Variants in EBF1 observed in about 807,000 individuals in gnomAD.
EBF1 encodes the protein EBF transcription factor 1.
EBF1 carries 10 observed loss-of-function variants against 68.4 expected under a neutral mutation model. That is an observed-to-expected ratio of 0.15 (90% CI 0.09 to 0.25). The LOEUF (loss-of-function observed/expected upper bound fraction) is 0.25, where lower values mean the gene tolerates loss of function less well. Ranked by LOEUF, EBF1 falls within the 10% of genes least tolerant of loss-of-function variation. The pLI is 1.00. For missense variants in EBF1, 509 were observed against 794.4 expected (o/e 0.64, Z 4.32); for synonymous variants, 298 against 299.8 (o/e 0.99, Z 0.06).
At chr5:158,844,920 C>A (rs1434084630) in intron 6 of EBF1, among the ~76,000 whole-genome samples, 5 of 152,186 alleles carry the variant, frequency 3.3e-5, no homozygotes, top group Non-Finnish European at 7.3e-5. Context: ...CTTTTACCAA[C>A]CAACAGATAT....
intron 7 of EBF1, among the ~76,000 whole-genome samples, chr5:158,835,578 G>A (rs1788581928): frequency 6.6e-6 from 1 of 152,054 alleles, no homozygotes; most frequent in African/African-American, 2.4e-5. Flanking sequence ...GGCTTTCCTG[G>A]GATTCCAGCA....
intron 10 of EBF1, among the ~76,000 whole-genome samples, chr5:158,752,473 A>G: frequency 6.6e-6 from 1 of 152,090 alleles, no homozygotes; most frequent in Non-Finnish European, 1.5e-5. Flanking sequence ...TAGACGGTTC[A>G]TCTCACTAGT....
At chr5:158,856,774 A>G (rs557897246) in intron 6 of EBF1, among the ~76,000 whole-genome samples, 161 of 152,258 alleles carry the variant, frequency 1.1e-3, no homozygotes, top group African/African-American at 3.8e-3. Flanking sequence ...CAGATAGCTC[A>G]TGGCAGATAT....
rs7707318 is a variant in EBF1 at position 158,775,212 on chromosome 5, T to A, written c.1036+2201A>T. On this transcript the variant is annotated intron_variant, in intron 10 of 15. Transcript: ENST00000313708. ...GTGATTTCTTAAACTGATGGCAATT[T>A]TTTTTTTTAGTGTTTAAAAAAACTC... Among the ~76,000 whole-genome samples the A allele has an allele frequency of 5.7e-3, 869 of 152,186 alleles. 9 individuals carry two copies. The highest frequency in any genetic ancestry group is 0.02 in the African/African-American group (844 of 41,550).
intron 6 of EBF1, among the ~76,000 whole-genome samples, chr5:158,907,786 G>A (rs1186196948): frequency 6.6e-6 from 1 of 151,896 alleles, no homozygotes; most frequent in African/African-American, 2.4e-5. Flanking sequence ...GCTCAAAGGT[G>A]TAACCAACCA....
chr5:159,057,726 C>T (rs766645479), intron 6 of EBF1, among the ~76,000 whole-genome samples: 7 of 152,180 alleles, frequency 4.6e-5, no homozygotes, highest in Non-Finnish European at 8.8e-5. Flanking sequence ...AATGAAGGGG[C>T]TGAACTGTAA....
chr5:158,979,097 A>G (rs1757405912), intron 6 of EBF1, among the ~76,000 whole-genome samples: 1 of 152,166 alleles, frequency 6.6e-6, no homozygotes, highest in Non-Finnish European at 1.5e-5. Flanking sequence ...AAAGAAATCC[A>G]CACTCACACA....
chr5:158,853,078 G>A (rs879301268), intron 6 of EBF1, among the ~76,000 whole-genome samples: 1 of 152,002 alleles, frequency 6.6e-6, no homozygotes, highest in Non-Finnish European at 1.5e-5. Flanking sequence ...TTGTATACTT[G>A]TTTTCCTGTG....
intron 6 of EBF1, among the ~76,000 whole-genome samples, chr5:158,892,961 T>C (rs1801468955): frequency 6.6e-6 from 1 of 152,110 alleles, no homozygotes; most frequent in African/African-American, 2.4e-5. Context: ...GCTTCATTTC[T>C]GCTAGCCTGA....
At chr5:158,835,179 C>G (rs1788478769) in intron 7 of EBF1, among the ~76,000 whole-genome samples, 1 of 152,180 alleles carries the variant, frequency 6.6e-6, no homozygotes. Context: ...ACAGCTACAG[C>G]AAAGACTAAT....
At chr5:158,844,709 C>T (rs1562097914) in intron 6 of EBF1, among the ~76,000 whole-genome samples, 1 of 152,186 alleles carries the variant, frequency 6.6e-6, no homozygotes, top group Non-Finnish European at 1.5e-5. Flanking sequence ...GAGCTGAATG[C>T]CTGCGCTCTT....
At chr5:158,979,955 C>T (rs548424909) in intron 6 of EBF1, among the ~76,000 whole-genome samples, 10 of 152,312 alleles carry the variant, frequency 6.6e-5, no homozygotes, top group East Asian at 1.9e-4. Flanking sequence ...TTTCCTCTAC[C>T]CACAAGTCAC....
In EBF1 at chr5:159,072,146, A is replaced by G. The variant is rs59978926; in HGVS notation, c.554+1250T>C. ...CATCTTTTAACTTTGAATCAAATAT[A>G]CTAATACTCTTATATGGAGCAAAAA... is the stretch of plus-strand genomic sequence containing the variant. On this transcript the variant is annotated intron_variant, in intron 6 of 15. Coordinates refer to ENST00000313708, the MANE Select transcript of EBF1 (RefSeq NM_024007.5). Among the ~76,000 whole-genome samples the G allele has an allele frequency of 8.4e-3, 1,277 of 152,340 alleles. 17 individuals carry two copies. Among genetic ancestry groups the G allele is most frequent in the African/African-American group, 0.03 (1,237 of 41,578 alleles).
At chr5:158,995,163 T>G (rs1003468096) in intron 6 of EBF1, among the ~76,000 whole-genome samples, 4 of 152,208 alleles carry the variant, frequency 2.6e-5, no homozygotes, top group Non-Finnish European at 5.9e-5. Context: ...GAGTAAGTAG[T>G]AGAAAATTGG....
intron 6 of EBF1, among the ~76,000 whole-genome samples, chr5:158,970,042 C>T (rs974970217): frequency 5.9e-5 from 9 of 152,218 alleles, no homozygotes; most frequent in South Asian, 2.1e-4. Context: ...AAACCTAACC[C>T]GTACTACAGC....
chr5:158,841,252 A>C (rs1459400148), intron 6 of EBF1, among the ~76,000 whole-genome samples: 4 of 152,202 alleles, frequency 2.6e-5, no homozygotes, highest in African/African-American at 9.6e-5. Flanking sequence ...GTTATTTCTT[A>C]TGTAACCATC....
chr5:158,919,541 C>A (rs1030211370), intron 6 of EBF1, among the ~76,000 whole-genome samples: 2 of 152,132 alleles, frequency 1.3e-5, no homozygotes, highest in African/African-American at 4.8e-5. Context: ...AGTTACAAAT[C>A]ATCAATGTCT....
At chr5:158,701,388 C>T (rs1756743126) in intron 15 of EBF1, among the ~76,000 whole-genome samples, 1 of 151,686 alleles carries the variant, frequency 6.6e-6, no homozygotes, top group Non-Finnish European at 1.5e-5. Context: ...TCTAAGCAGG[C>T]TTTTGGTACC....
chr5:158,783,761 T>C (rs1014768802), intron 9 of EBF1, among the ~76,000 whole-genome samples: 1 of 151,880 alleles, frequency 6.6e-6, no homozygotes, highest in Non-Finnish European at 1.5e-5. Context: ...GACATGAAGG[T>C]GGTTGAATGG....
Sources: gnomAD v4.1 joint callset for allele counts (sites outside exome capture counted in the v4.1 genomes callset) on GRCh38, gnomAD v4.1.1 for gene constraint, MANE v1.5 for transcripts, NCBI Gene and HGNC (gene_info 2026-07-23, HGNC 2026-07-21) for gene names.